The following GALNT7 variants were observed in gnomAD, a reference collection of about 807,000 sequenced individuals.
GALNT7 encodes the protein N-acetylgalactosaminyltransferase 7.
GALNT7 carries 60 observed loss-of-function variants against 82.1 expected under a neutral mutation model. That is an observed-to-expected ratio of 0.73 (90% CI 0.59 to 0.91). The LOEUF is 0.91. Among genes scored for constraint, GALNT7 ranks in the 40% least tolerant of loss-of-function variants. The pLI is 0.00. For synonymous variants in GALNT7, 243 were observed against 275.1 expected, an observed-to-expected ratio of 0.88 and a Z score of 1.15; for missense variants, 660 against 804.2, an observed-to-expected ratio of 0.82 and a Z score of 2.17.
chr4:173,207,542 C>T lies in GALNT7; in HGVS notation c.126+38581C>T, dbSNP rs1690361091. 2.0e-5 allele frequency among the ~76,000 whole-genome samples: 3 copies of T among 152,108 alleles called. No homozygotes were observed. The East Asian group carries it at 5.8e-4, about 29-fold the overall frequency. On this transcript the variant is annotated intron_variant, in intron 1 of 11. Transcript: ENST00000265000. The stretch of plus-strand genomic sequence containing the variant: ...TTAGTAGTAAAATTGTTCAGCTAAT[C>T]CTCTATTAAGGTTGTTTCTCACCTC...
intron 1 of GALNT7, among the ~76,000 whole-genome samples, chr4:173,178,017 G>C (rs1327811756): frequency 3.8e-5 from 4 of 104,068 alleles, no homozygotes; most frequent in Non-Finnish European, 5.7e-5. Flanking sequence ...CTGTGTGTGT[G>C]TGTGTGTGTG....
chr4:173,251,420 T>G (rs556434712), intron 2 of GALNT7, among the ~76,000 whole-genome samples: 31 of 152,228 alleles, frequency 2.0e-4, no homozygotes, highest in Non-Finnish European at 3.8e-4. Flanking sequence ...GGTATTTTCT[T>G]CCTTACCTTG....
In GALNT7 at chr4:173,285,728, T is replaced by C. The variant is rs1389829599; in HGVS notation, c.588-6380T>C. 3.9e-5 allele frequency among the ~76,000 whole-genome samples: 6 copies of C among 152,188 alleles called. No individual in the cohort carries two copies. The East Asian group carries it at 1.2e-3, about 29-fold the overall frequency. On this transcript the variant is annotated intron_variant, in intron 2 of 11. Coordinates refer to ENST00000265000, the MANE Select transcript of GALNT7 (RefSeq NM_017423.3). ...GACTACACAGACAGACAGAAGAAGA[T>C]CCAGCAGCTCAGGGTGGAGCCCTTT...
At chr4:173,285,706 T>C (rs1736295059) in intron 2 of GALNT7, among the ~76,000 whole-genome samples, 1 of 152,226 alleles carries the variant, frequency 6.6e-6, no homozygotes, top group Admixed American at 6.5e-5. Flanking sequence ...CATGTATGAC[T>C]ACACAGACAG....
intron 8 of GALNT7, among the ~76,000 whole-genome samples, chr4:173,313,071 T>A (rs113357315): frequency 0.017 from 2,297 of 131,646 alleles, 66 homozygotes; most frequent in African/African-American, 0.078. Flanking sequence ...AAATATATAT[T>A]TTTTTTAAAT....
chr4:173,291,068 C>G (rs954366015), intron 2 of GALNT7, among the ~76,000 whole-genome samples: 10 of 152,320 alleles, frequency 6.6e-5, no homozygotes, highest in African/African-American at 2.4e-4. Flanking sequence ...TTGCTATCTT[C>G]TGCCTTAGAA....
At chr4:173,227,909 C>T (rs1733889572) in intron 1 of GALNT7, among the ~76,000 whole-genome samples, 1 of 152,058 alleles carries the variant, frequency 6.6e-6, no homozygotes, top group Admixed American at 6.6e-5. Context: ...GCTAGCTATG[C>T]CGTGTGTGAA....
intron 1 of GALNT7, among the ~76,000 whole-genome samples, chr4:173,239,950 A>T (rs1734366800): frequency 6.6e-6 from 1 of 152,202 alleles, no homozygotes; most frequent in Admixed American, 6.5e-5. Context: ...GAGTAAATAT[A>T]ACGGATTTGT....
At chr4:173,293,781 C>A (rs1265117761) in intron 3 of GALNT7, among the ~76,000 whole-genome samples, 1 of 152,208 alleles carries the variant, frequency 6.6e-6, no homozygotes, top group African/African-American at 2.4e-5. Flanking sequence ...GTGGGTCAGC[C>A]TAGCTCTGCA....
At chr4:173,265,587 A>ATCTCTCTCTCTCTC (rs59676800) in intron 2 of GALNT7, among the ~76,000 whole-genome samples, 14 of 118,026 alleles carry the variant, frequency 1.2e-4, no homozygotes, top group African/African-American at 4.4e-4. Flanking sequence ...TGGCGTAAGC[A>ATCTCTCTCTCTCTC]TCTCTCTCTC....
rs114163123 is a variant in GALNT7 at position 173,225,745 on chromosome 4, G to A, written c.127-22235G>A. On this transcript the variant is annotated intron_variant, in intron 1 of 11. Transcript: ENST00000265000. Reference sequence around the variant, plus strand: ...CCACAGGTTGGGTTACCCAGGAAGCGCACTCTGAGATTGAGATTTGGATGC... The same window carrying A: ...CCACAGGTTGGGTTACCCAGGAAGCACACTCTGAGATTGAGATTTGGATGC... Among the ~76,000 whole-genome samples, 1,085 of 152,316 alleles carry A rather than the reference G, an allele frequency of 7.1e-3. 4 individuals are homozygous for A. Among genetic ancestry groups the A allele is most frequent in the Non-Finnish European group, 0.011 (731 of 68,022 alleles).
intron 1 of GALNT7, among the ~76,000 whole-genome samples, chr4:173,195,535 CTG>C (rs1444072503): frequency 2.0e-5 from 3 of 152,222 alleles, no homozygotes; most frequent in Non-Finnish European, 2.9e-5. Context: ...TTAAAAAACA[CTG>C]TACTTCCTAG....
intron 1 of GALNT7, among the ~76,000 whole-genome samples, chr4:173,230,831 T>G (rs80158141): frequency 1.3e-5 from 2 of 152,178 alleles, no homozygotes; most frequent in Non-Finnish European, 2.9e-5. Flanking sequence ...CTGGGAAATA[T>G]AGTAAATTAT....
chr4:173,183,988 C>T (rs1367131179), intron 1 of GALNT7, among the ~76,000 whole-genome samples: 1 of 151,832 alleles, frequency 6.6e-6, no homozygotes, highest in African/African-American at 2.4e-5. Context: ...AGGCGCTCTT[C>T]ACATCTCAGA....
At chr4:173,284,185 A>G (rs942177664) in intron 2 of GALNT7, among the ~76,000 whole-genome samples, 5 of 152,222 alleles carry the variant, frequency 3.3e-5, no homozygotes, top group East Asian at 1.9e-4. Context: ...ACATTTTTCT[A>G]TTATCAGAAA....
In GALNT7 at chr4:173,220,951, G is replaced by A. The variant is rs528548393; in HGVS notation, c.127-27029G>A. Among the ~76,000 whole-genome samples the A allele has an allele frequency of 2.4e-3, 370 of 151,678 alleles. 3 individuals carry two copies. Among genetic ancestry groups the A allele is most frequent in the African/African-American group, 8.4e-3 (348 of 41,310 alleles). Reference sequence around the variant, plus strand: ...AGTCTTTGCTATTGTGGATAGTGCCGCAATAAACATACGTGTGCATGTGTC... The same window carrying A: ...AGTCTTTGCTATTGTGGATAGTGCCACAATAAACATACGTGTGCATGTGTC... On this transcript the variant is annotated intron_variant, in intron 1 of 11. Transcript: ENST00000265000.
chr4:173,265,053 T>C (rs1264993953), intron 2 of GALNT7, among the ~76,000 whole-genome samples: 1 of 152,228 alleles, frequency 6.6e-6, no homozygotes, highest in South Asian at 2.1e-4. Flanking sequence ...GCGCTTCATG[T>C]ACAAGCCACT....
chr4:173,275,773 A>C (rs1735885539), intron 2 of GALNT7, among the ~76,000 whole-genome samples: 1 of 152,218 alleles, frequency 6.6e-6, no homozygotes, highest in Admixed American at 6.5e-5. Context: ...TCCCAGGAAA[A>C]GTTCAGATGC....
chr4:173,175,833 G>GAGGCCT, intron 1 of GALNT7, among the ~76,000 whole-genome samples: 1 of 152,258 alleles, frequency 6.6e-6, no homozygotes, highest in Middle Eastern at 3.4e-3. Context: ...AGCGCTTTGG[G>GAGGCCT]AGGCCTAGGC....
Sources: gnomAD v4.1 joint callset for allele counts (sites outside exome capture counted in the v4.1 genomes callset) on GRCh38, gnomAD v4.1.1 for gene constraint, MANE v1.5 for transcripts, NCBI Gene and HGNC (gene_info 2026-07-23, HGNC 2026-07-21) for gene names.